Variants in FSTL5 observed in about 807,000 individuals in gnomAD.
The protein encoded by FSTL5 is follistatin-related protein 5.
Under a neutral mutation model 89.1 loss-of-function variants are expected in FSTL5, and 62 were observed. The observed-to-expected ratio is 0.70, with a 90% CI of 0.57 to 0.86. The LOEUF is 0.86. Among genes scored for constraint, FSTL5 ranks in the 40% least tolerant of loss-of-function variants. FSTL5 has a pLI of 0.00. For synonymous variants in FSTL5, 383 were observed against 346.2 expected (o/e 1.11, Z -1.18); for missense variants, 1,057 against 1,001.6 (o/e 1.06, Z -0.75).
intron 3 of FSTL5, among the ~76,000 whole-genome samples, chr4:161,967,977 G>A (rs1356604312): frequency 6.6e-6 from 1 of 151,712 alleles, no homozygotes; most frequent in African/African-American, 2.4e-5. Context: ...TGCACTTAAA[G>A]ATATTTCAAA....
chr4:161,566,014 A>C (rs1732787673), intron 8 of FSTL5, among the ~76,000 whole-genome samples: 1 of 149,802 alleles, frequency 6.7e-6, no homozygotes, highest in Admixed American at 6.7e-5. Context: ...AGGTTGTACT[A>C]ATGTACATTC....
chr4:161,819,372 T>C (rs1417612252), intron 4 of FSTL5, among the ~76,000 whole-genome samples: 1 of 152,140 alleles, frequency 6.6e-6, no homozygotes, highest in Non-Finnish European at 1.5e-5. Flanking sequence ...TGGTTCTTCC[T>C]ATTTTGTACA....
At chr4:161,449,213 A>T (rs533683097) in intron 15 of FSTL5, among the ~76,000 whole-genome samples, 2 of 152,170 alleles carry the variant, frequency 1.3e-5, no homozygotes, top group African/African-American at 4.8e-5. Flanking sequence ...GCATGCACAC[A>T]TACACACACA....
intron 4 of FSTL5, among the ~76,000 whole-genome samples, chr4:161,781,332 A>T (rs928630794): frequency 6.7e-4 from 75 of 112,512 alleles, no homozygotes; most frequent in Middle Eastern, 4.8e-3. Context: ...AACATAATTA[A>T]AAAAAAAAAT....
chr4:162,147,705 A>T (rs1220048564), intron 1 of FSTL5, among the ~76,000 whole-genome samples: 1 of 151,958 alleles, frequency 6.6e-6, no homozygotes, highest in African/African-American at 2.4e-5. Flanking sequence ...CTTCTTATTC[A>T]TTTGTATCTA....
intron 7 of FSTL5, among the ~76,000 whole-genome samples, chr4:161,652,108 G>A (rs1329595886): frequency 6.6e-6 from 1 of 152,084 alleles, no homozygotes; most frequent in African/African-American, 2.4e-5. Context: ...ACTTAGTTCA[G>A]TGACCTTGGG....
At chr4:162,136,593 C>T (rs1732530519) in intron 1 of FSTL5, among the ~76,000 whole-genome samples, 1 of 151,970 alleles carries the variant, frequency 6.6e-6, no homozygotes, top group Admixed American at 6.6e-5. Flanking sequence ...TAGAAAAAGG[C>T]TGTGAATCCA....
intron 3 of FSTL5, among the ~76,000 whole-genome samples, chr4:161,923,210 T>G (rs1025435009): frequency 6.6e-6 from 1 of 151,920 alleles, no homozygotes; most frequent in Non-Finnish European, 1.5e-5. Context: ...TAGATGGAGC[T>G]TTCTGAATCT....
chr4:162,039,942 T>C (rs186964051), intron 2 of FSTL5, among the ~76,000 whole-genome samples: 1 of 152,152 alleles, frequency 6.6e-6, no homozygotes, highest in Admixed American at 6.6e-5. Context: ...AGTGCTTAGT[T>C]GTGAGTAGGT....
At chr4:161,470,206 C>T (rs973089068) in intron 13 of FSTL5, among the ~76,000 whole-genome samples, 1 of 151,958 alleles carries the variant, frequency 6.6e-6, no homozygotes, top group Admixed American at 6.6e-5. Context: ...TTTGCTCTTT[C>T]GTCTAACAGT....
rs376037194 is a variant in FSTL5, at chr4:161,386,249, C to G, written c.2042G>C (p.Gly681Ala). ...GAACCCAATGACTGAGTCAGTTACACCGTCCACCATGACCTGTGGGGAAAC... is the reference window on the plus strand; with the variant it reads ...GAACCCAATGACTGAGTCAGTTACAGCGTCCACCATGACCTGTGGGGAAAC... ...GAVSPQVMVD[G>A]VTDSVIGFNS... Residue 681 changes from glycine (G) to alanine (A), a missense_variant, in exon 16 of 16, where the codon GGT becomes GCT. Coordinates refer to ENST00000306100, the MANE Select transcript of FSTL5 (RefSeq NM_020116.5). 6.2e-7 allele frequency: 1 copy of G among 1,613,874 alleles called. No homozygotes were observed. Among genetic ancestry groups the G allele is most frequent in the African/African-American group, 1.3e-5 (1 of 74,890 alleles).
At chr4:161,768,217 CT>C (rs1006029557) in intron 5 of FSTL5, among the ~76,000 whole-genome samples, 8 of 152,050 alleles carry the variant, frequency 5.3e-5, no homozygotes, top group Non-Finnish European at 7.4e-5. Flanking sequence ...ATCTGTGCCC[CT>C]AAGGGAAGTC....
chr4:161,401,287 A>G (rs1354606720), intron 15 of FSTL5, among the ~76,000 whole-genome samples: 1 of 152,202 alleles, frequency 6.6e-6, no homozygotes, highest in Non-Finnish European at 1.5e-5. Context: ...ATGATGCTAT[A>G]GAGAAACATG....
intron 5 of FSTL5, among the ~76,000 whole-genome samples, chr4:161,763,353 T>C (rs1174592737): frequency 3.9e-5 from 6 of 152,136 alleles, no homozygotes; most frequent in Non-Finnish European, 7.4e-5. Flanking sequence ...AAAAATTGAA[T>C]GTGCCAGAAG....
rs115161589 is a variant in FSTL5, at chr4:161,678,214, G to A, written c.728-21720C>T. ...AATGTACAAACACATATGTGTGTATGTGTATATATACAGCCCCCACACTTG... is the reference window on the plus strand; with the variant it reads ...AATGTACAAACACATATGTGTGTATATGTATATATACAGCCCCCACACTTG... On this transcript the variant is annotated intron_variant, in intron 6 of 15. Transcript: ENST00000306100. 7.3e-3 allele frequency among the ~76,000 whole-genome samples: 1,107 copies of A among 151,750 alleles called. 13 individuals are homozygous for A. The highest frequency in any genetic ancestry group is 0.025 in the African/African-American group (1,041 of 41,454).
At chr4:161,673,079 CAT>C (rs60449697) in intron 6 of FSTL5, among the ~76,000 whole-genome samples, 9,437 of 152,052 alleles carry the variant, frequency 0.062, 384 homozygotes, top group East Asian at 0.21. Context: ...ACAAAGAAGA[CAT>C]GTGAACAATT....
chr4:161,771,302 A>G (rs1006533680), intron 5 of FSTL5, among the ~76,000 whole-genome samples: 9 of 152,132 alleles, frequency 5.9e-5, no homozygotes, highest in South Asian at 2.1e-4. Context: ...AGTAACAAGT[A>G]CATCATGCTT....
intron 10 of FSTL5, among the ~76,000 whole-genome samples, chr4:161,536,483 A>C (rs1443750187): frequency 6.6e-6 from 1 of 152,140 alleles, no homozygotes; most frequent in Non-Finnish European, 1.5e-5. Context: ...AGGCATCCCA[A>C]GGGAAACTAT....
intron 4 of FSTL5, among the ~76,000 whole-genome samples, chr4:161,777,848 C>T (rs1347092805): frequency 6.6e-6 from 1 of 152,134 alleles, no homozygotes; most frequent in African/African-American, 2.4e-5. Context: ...AATCCCAGCA[C>T]TTTGGAAGGC....
Sources: allele counts gnomAD v4.1 joint callset (sites outside exome capture counted in the v4.1 genomes callset), GRCh38; gene constraint gnomAD v4.1.1; transcripts MANE v1.5; gene names NCBI Gene and HGNC (gene_info 2026-07-23, HGNC 2026-07-21).